KLHL1: variants seen among roughly 807,000 people sequenced by gnomAD.
KLHL1 encodes kelch like family member 1, also known as kelch-like protein 1.
In KLHL1, 47 loss-of-function variants were observed where a neutral mutation model predicts 77.7. The observed-to-expected ratio is 0.60, with a 90% CI of 0.48 to 0.77. The LOEUF is 0.77. Ranked by LOEUF, KLHL1 falls within the 30% of genes least tolerant of loss-of-function variation. The pLI is 0.00. For missense variants in KLHL1, 925 were observed against 910.8 expected, an observed-to-expected ratio of 1.02 and a Z score of -0.20; for synonymous variants, 360 against 325.2, an observed-to-expected ratio of 1.11 and a Z score of -1.15.
intron 7 of KLHL1, among the ~76,000 whole-genome samples, chr13:69,755,695 C>T (rs1184478581): frequency 2.0e-5 from 3 of 151,146 alleles, no homozygotes; most frequent in Non-Finnish European, 4.4e-5. Flanking sequence ...ATGCATTTCA[C>T]GTTAAAAAGT....
At chr13:69,891,478 G>A (rs908299102) in intron 4 of KLHL1, among the ~76,000 whole-genome samples, 3 of 151,982 alleles carry the variant, frequency 2.0e-5, no homozygotes, top group Non-Finnish European at 4.4e-5. Flanking sequence ...AGTGGTCTCA[G>A]ACAAAATGCT....
chr13:69,934,978 A>ATATG (rs1025922594), intron 4 of KLHL1, among the ~76,000 whole-genome samples: 1 of 135,120 alleles, frequency 7.4e-6, no homozygotes, highest in East Asian at 2.0e-4. Flanking sequence ...ATATATATAT[A>ATATG]TATATATATA....
chr13:70,103,553 T>A (rs1176223246), intron 1 of KLHL1, among the ~76,000 whole-genome samples: 1 of 151,794 alleles, frequency 6.6e-6, no homozygotes, highest in African/African-American at 2.4e-5. Flanking sequence ...GAGATGGAGG[T>A]TGCAAAACTA....
intron 1 of KLHL1, among the ~76,000 whole-genome samples, chr13:70,059,311 C>G (rs1313509728): frequency 1.3e-5 from 2 of 152,018 alleles, no homozygotes; most frequent in Non-Finnish European, 2.9e-5. Context: ...GCACGCATCA[C>G]TATGCCCAGC....
At chr13:69,865,763 A>G (rs1231873841) in intron 5 of KLHL1, among the ~76,000 whole-genome samples, 1 of 152,204 alleles carries the variant, frequency 6.6e-6, no homozygotes, top group African/African-American at 2.4e-5. Flanking sequence ...TAAAGAGGAA[A>G]CACATTTCTA....
At chr13:69,835,528 A>G (rs1878953125) in intron 6 of KLHL1, among the ~76,000 whole-genome samples, 1 of 152,080 alleles carries the variant, frequency 6.6e-6, no homozygotes, top group Non-Finnish European at 1.5e-5. Flanking sequence ...TTAAGCCTGA[A>G]TGGTTAAAGG....
intron 1 of KLHL1, among the ~76,000 whole-genome samples, chr13:70,057,469 CAAAAAAAAA>C (rs56235725): frequency 1.6e-4 from 14 of 87,092 alleles, no homozygotes; most frequent in East Asian, 1.1e-3. Context: ...AAAGACACAT[CAAAAAAAAA>C]AAAAAAAAAA....
At chr13:70,011,704 T>C (rs1394870455) in intron 1 of KLHL1, among the ~76,000 whole-genome samples, 2 of 152,168 alleles carry the variant, frequency 1.3e-5, no homozygotes, top group Non-Finnish European at 2.9e-5. Flanking sequence ...TGCTACAATA[T>C]TTCTGGTTAG....
Position 69,983,718 on chromosome 13 carries a change from T to C in KLHL1, c.498-7916A>G, listed in dbSNP as rs115372433. ...GGAGTTAAGAGTCGGCAATGACCTG[T>C]ACTCACATCACTGCACTCTAGCCTT... On this transcript the variant is annotated intron_variant, in intron 1 of 10. Coordinates refer to ENST00000377844, the MANE Select transcript of KLHL1 (RefSeq NM_020866.3). 6.3e-3 allele frequency among the ~76,000 whole-genome samples: 960 copies of C among 151,908 alleles called. 7 individuals carry two copies. Among genetic ancestry groups the C allele is most frequent in the African/African-American group, 0.022 (900 of 41,400 alleles).
chr13:69,967,977 G>T (rs1045294868), intron 2 of KLHL1, among the ~76,000 whole-genome samples: 1 of 151,864 alleles, frequency 6.6e-6, no homozygotes, highest in Non-Finnish European at 1.5e-5. Flanking sequence ...TTCCAATTTT[G>T]AAAGAAGTTA....
rs1257931871 is a variant in KLHL1 at position 70,057,515 on chromosome 13, G to A, written c.497+49688C>T. 2.1e-5 allele frequency among the ~76,000 whole-genome samples: 3 copies of A among 140,934 alleles called. No individual in the cohort carries two copies. In the South Asian group the frequency reaches 6.9e-4, roughly 33 times the overall value. 92.5% of individuals were successfully genotyped at this position (140,934 alleles called of 152,430 possible). A position where few individuals can be genotyped will look rare whatever the true frequency, so the allele number is the denominator to read the frequency against. On this transcript the variant is annotated intron_variant, in intron 1 of 10. Transcript: ENST00000377844. Reference sequence around the variant, plus strand: ...AAAGAGGCCGGGCGCGGTGGCTCACGCCTGTAATCCCAGCACTTTGGGAGG... The same window carrying A: ...AAAGAGGCCGGGCGCGGTGGCTCACACCTGTAATCCCAGCACTTTGGGAGG...
chr13:69,902,145 G>A (rs1431058240), intron 4 of KLHL1, among the ~76,000 whole-genome samples: 1 of 152,100 alleles, frequency 6.6e-6, no homozygotes, highest in Non-Finnish European at 1.5e-5. Context: ...AAATGATAAG[G>A]CACAATATAT....
At chr13:69,976,801 C>T (rs1369917041) in intron 1 of KLHL1, among the ~76,000 whole-genome samples, 1 of 152,018 alleles carries the variant, frequency 6.6e-6, no homozygotes, top group Non-Finnish European at 1.5e-5. Flanking sequence ...TAATTATTTG[C>T]ATTCAATAGG....
chr13:69,902,027 C>CA (rs941650205), intron 4 of KLHL1, among the ~76,000 whole-genome samples: 1 of 152,008 alleles, frequency 6.6e-6, no homozygotes, highest in African/African-American at 2.4e-5. Context: ...CTTGAACTCC[C>CA]AACCTCAGGT....
At chr13:69,964,253 G>A (rs1343140638) in intron 2 of KLHL1, among the ~76,000 whole-genome samples, 1 of 152,068 alleles carries the variant, frequency 6.6e-6, no homozygotes, top group East Asian at 1.9e-4. Context: ...TATTGACCAG[G>A]CTGGTCTGGA....
intron 6 of KLHL1, among the ~76,000 whole-genome samples, chr13:69,832,354 T>C (rs575407216): frequency 4.7e-5 from 7 of 149,560 alleles, no homozygotes; most frequent in Middle Eastern, 3.5e-3. Context: ...TTAAAATAGC[T>C]GCCAAAAAAT....
intron 4 of KLHL1, among the ~76,000 whole-genome samples, chr13:69,899,579 T>C (rs1668525585): frequency 6.6e-6 from 1 of 152,216 alleles, no homozygotes; most frequent in South Asian, 2.1e-4. Context: ...GAAATCCATC[T>C]TGTAGGCAAA....
chr13:69,924,746 T>C (rs541150588), intron 4 of KLHL1, among the ~76,000 whole-genome samples: 1 of 152,278 alleles, frequency 6.6e-6, no homozygotes, highest in East Asian at 1.9e-4. Flanking sequence ...AGCCGCCCTT[T>C]AGGGAGCCCA....
intron 1 of KLHL1, among the ~76,000 whole-genome samples, chr13:70,052,136 A>G (rs760296082): frequency 6.6e-6 from 1 of 151,944 alleles, no homozygotes; most frequent in South Asian, 2.1e-4. Flanking sequence ...AACTCCTGGT[A>G]AGCAGCACAA....
Sources: gnomAD v4.1 joint callset for allele counts (sites outside exome capture counted in the v4.1 genomes callset) on GRCh38, gnomAD v4.1.1 for gene constraint, MANE v1.5 for transcripts, NCBI Gene and HGNC (gene_info 2026-07-23, HGNC 2026-07-21) for gene names.